The following RNF144A variants were observed in gnomAD, a reference collection of about 807,000 sequenced individuals.
The protein encoded by RNF144A is ring finger protein 144A, also known as E3 ubiquitin-protein ligase RNF144A.
Under a neutral mutation model 38.7 loss-of-function variants are expected in RNF144A, and 11 were observed. The ratio of observed to expected loss-of-function variants is 0.28; its 90% CI spans 0.18 to 0.47. The LOEUF (loss-of-function observed/expected upper bound fraction) is 0.47. Ranked by LOEUF, RNF144A falls within the 20% of genes least tolerant of loss-of-function variation. RNF144A has a pLI of 0.99. For missense variants in RNF144A, 316 were observed against 377.2 expected (o/e 0.84, Z 1.34); for synonymous variants, 149 against 143.9 (o/e 1.04, Z -0.25).
intron 3 of RNF144A, among the ~76,000 whole-genome samples, chr2:7,010,077 C>T (rs1206615514): frequency 6.6e-6 from 1 of 152,216 alleles, no homozygotes; most frequent in African/African-American, 2.4e-5. Context: ...AGAGGAGAAA[C>T]ATAAACAGAC....
In RNF144A at chr2:6,944,714, C is replaced by T. The variant is rs921328201; in HGVS notation, c.-12+3567C>T. 1.3e-5 allele frequency among the ~76,000 whole-genome samples: 2 copies of T among 152,136 alleles called. No individual in the cohort carries two copies. Among genetic ancestry groups the T allele is most frequent in the African/African-American group, 2.4e-5 (1 of 41,438 alleles). ...AAAGAACCCTGGAGAAAACACATCA[C>T]GAGGCCAAGTAGAATTTTGTGTTCT... On this transcript the variant is annotated intron_variant, in intron 2 of 8. Transcript: ENST00000320892. This position sits in a 1 kb window ranked among gnomAD's most constrained non-coding sequence, Gnocchi z 4.7.
At chr2:6,947,834 A>G (rs571468893) in intron 2 of RNF144A, among the ~76,000 whole-genome samples, 1 of 152,284 alleles carries the variant, frequency 6.6e-6, no homozygotes, top group Admixed American at 6.5e-5. Context: ...TGCCCACGTG[A>G]TCTGGAGAAG....
intron 5 of RNF144A, among the ~76,000 whole-genome samples, chr2:7,015,984 T>G (rs1671109961): frequency 6.6e-6 from 1 of 151,900 alleles, no homozygotes; most frequent in Non-Finnish European, 1.5e-5. Flanking sequence ...ACCTGTTGTT[T>G]GTATATTTTT....
chr2:7,002,773 A>C (rs1278111504), intron 3 of RNF144A, among the ~76,000 whole-genome samples: 1 of 152,158 alleles, frequency 6.6e-6, no homozygotes, highest in Non-Finnish European at 1.5e-5. Flanking sequence ...TTATGAAAAA[A>C]TAAGAGAGGT....
intron 2 of RNF144A, among the ~76,000 whole-genome samples, chr2:6,954,538 A>G (rs1306755976): frequency 2.0e-5 from 3 of 152,188 alleles, no homozygotes; most frequent in Non-Finnish European, 4.4e-5. Flanking sequence ...AATTCATCAT[A>G]ATGAGGGAAG....
intron 2 of RNF144A, among the ~76,000 whole-genome samples, chr2:6,946,296 C>G (rs115346647): frequency 9.2e-5 from 14 of 152,188 alleles, no homozygotes; most frequent in African/African-American, 3.4e-4. Context: ...TTTAACACTG[C>G]CTTATTAAAT....
At chr2:7,023,232 C>CGTGA (rs1171734806) in intron 6 of RNF144A, among the ~76,000 whole-genome samples, 2 of 152,160 alleles carry the variant, frequency 1.3e-5, no homozygotes, top group Non-Finnish European at 2.9e-5. Flanking sequence ...CAAACAGTCA[C>CGTGA]GTTCAGTTGG....
In RNF144A at chr2:7,015,227, C is replaced by T. The variant is rs76021567; in HGVS notation, c.301+455C>T. On this transcript the variant is annotated intron_variant, in intron 5 of 8. Transcript: ENST00000320892. ...AGTCCGATGGTAGGTGTCCTGTCTG[C>T]GCTTACTCACCACTGGACACAGACC... Among the ~76,000 whole-genome samples the T allele has an allele frequency of 6.4e-3, 974 of 152,316 alleles. 6 individuals are homozygous for T. Among genetic ancestry groups the T allele is most frequent in the Middle Eastern group, 0.034 (10 of 294 alleles).
chr2:6,930,073 A>C (rs1451325434), intron 1 of RNF144A, among the ~76,000 whole-genome samples: 1 of 152,258 alleles, frequency 6.6e-6, no homozygotes, highest in African/African-American at 2.4e-5. Context: ...TGGAGAATCC[A>C]GCTCCAAGAG....
At chr2:6,927,509 G>C (rs1054490977) in intron 1 of RNF144A, among the ~76,000 whole-genome samples, 9 of 152,208 alleles carry the variant, frequency 5.9e-5, no homozygotes, top group South Asian at 2.1e-4. Flanking sequence ...GGCAGATAAG[G>C]GCTGCTTTCT....
At chr2:6,972,696 C>A (rs541355653) in intron 2 of RNF144A, among the ~76,000 whole-genome samples, 1 of 152,190 alleles carries the variant, frequency 6.6e-6, no homozygotes, top group African/African-American at 2.4e-5. Context: ...GGGTTGTGTT[C>A]CACCCTGGGG....
intron 3 of RNF144A, among the ~76,000 whole-genome samples, chr2:7,006,080 A>G (rs947765715): frequency 2.0e-5 from 3 of 151,326 alleles, no homozygotes; most frequent in Non-Finnish European, 4.4e-5. Flanking sequence ...CATGACAGCT[A>G]TGCTCTGTCC....
chr2:6,961,989 A>G (rs1383251562), intron 2 of RNF144A, among the ~76,000 whole-genome samples: 1 of 152,236 alleles, frequency 6.6e-6, no homozygotes, highest in East Asian at 1.9e-4. Flanking sequence ...AGGGAGAACA[A>G]GGACACGGAC....
At chr2:7,028,652 G>A (rs1672080642) in intron 7 of RNF144A, among the ~76,000 whole-genome samples, 1 of 152,318 alleles carries the variant, frequency 6.6e-6, no homozygotes, top group South Asian at 2.1e-4. Flanking sequence ...AATGGAGAAT[G>A]AGCTCTTCTC....
chr2:7,050,838 C>G (rs919924835), intron 6 of RNF144A, among the ~76,000 whole-genome samples: 1 of 152,190 alleles, frequency 6.6e-6, no homozygotes, highest in East Asian at 1.9e-4. Flanking sequence ...AACGGGAGCT[C>G]CCAAGGGAGG....
At chr2:6,974,106 C>T (rs1668159862) in intron 2 of RNF144A, among the ~76,000 whole-genome samples, 2 of 152,136 alleles carry the variant, frequency 1.3e-5, no homozygotes, top group Admixed American at 6.5e-5. Flanking sequence ...ATTTACCAGC[C>T]CCACCTAGTT....
intron 3 of RNF144A, among the ~76,000 whole-genome samples, chr2:7,014,038 T>G (rs1189874507): frequency 6.6e-6 from 1 of 152,220 alleles, no homozygotes; most frequent in Non-Finnish European, 1.5e-5. Context: ...AGTCATACCT[T>G]TCTTGTAAAA....
intron 3 of RNF144A, among the ~76,000 whole-genome samples, chr2:7,005,348 C>A (rs2103404953): frequency 6.6e-6 from 1 of 152,282 alleles, no homozygotes; most frequent in East Asian, 1.9e-4. Context: ...GCTTCCCAGG[C>A]CTCTCTTCTG....
chr2:6,919,315 G>T (rs922714144), intron 1 of RNF144A, among the ~76,000 whole-genome samples: 1 of 152,232 alleles, frequency 6.6e-6, no homozygotes, highest in African/African-American at 2.4e-5. Context: ...CTCCAAAGGA[G>T]ACAACAGCCT....
Sources: gnomAD v4.1 joint callset for allele counts (sites outside exome capture counted in the v4.1 genomes callset) on GRCh38, gnomAD v4.1.1 for gene constraint, Gnocchi (gnomAD v3.1) non-coding constraint, MANE v1.5 for transcripts, NCBI Gene and HGNC (gene_info 2026-07-23, HGNC 2026-07-21) for gene names.